B4GALNT1: variants seen among roughly 807,000 people sequenced by gnomAD.
B4GALNT1 encodes the protein beta-1,4 N-acetylgalactosaminyltransferase 1.
B4GALNT1 carries 43 observed loss-of-function variants against 55.2 expected under a neutral mutation model. The ratio of observed to expected loss-of-function variants is 0.78; its 90% CI spans 0.61 to 1.00. B4GALNT1 has a LOEUF of 1.00. B4GALNT1 is among the 50% of genes least tolerant of loss of function. The pLI, the probability that B4GALNT1 is intolerant of heterozygous loss-of-function variation, is 0.00. For missense variants in B4GALNT1, 664 were observed against 729.7 expected (o/e 0.91, Z 1.04); for synonymous variants, 305 against 311.6 (o/e 0.98, Z 0.22).
At chr12:57,629,233 G>T in intron 6 of B4GALNT1, 87 bp from the exon 7 acceptor site, 1 of 951,560 alleles carries the variant, frequency 1.1e-6, no homozygotes, top group Non-Finnish European at 1.5e-6. Context: ...CCTACTCTGT[G>T]TCCCACCTTT....
rs373458144 is a variant in B4GALNT1, at chr12:57,624,087, C to T, written c.*2657G>A. On this transcript the variant is annotated 3_prime_UTR_variant, in exon 11 of 11. Transcript: ENST00000341156. Reference sequence around the variant, plus strand: ...ACTTCCACAACTATGGCACATCAGCCGAGTGGACTTTGTGAGAAATGCCAT... The same window carrying T: ...ACTTCCACAACTATGGCACATCAGCTGAGTGGACTTTGTGAGAAATGCCAT... 62 of 1,613,802 alleles carry T rather than the reference C, an allele frequency of 3.8e-5. No individual in the cohort carries two copies. Among genetic ancestry groups the T allele is most frequent in the Middle Eastern group, 1.6e-4 (1 of 6,082 alleles).
Position 57,624,772 on chromosome 12 carries a change from A to T in B4GALNT1, c.*1972T>A. 2 of 1,131,578 alleles carry T rather than the reference A, an allele frequency of 1.8e-6. No individual in the cohort carries two copies. Among genetic ancestry groups the T allele is most frequent in the East Asian group, 4.7e-5 (2 of 42,600 alleles). The allele number at this position is 1,131,578 out of a possible 1,614,324, so 70.1% of individuals were successfully genotyped here. On this transcript the variant is annotated 3_prime_UTR_variant, in exon 11 of 11. Transcript: ENST00000341156. ...AGGCTGAGGGGACAGAGCTCTACAG[A>T]CCACTCAGAGGAAGCCCCAGGGTGG...
intron 8 of B4GALNT1, 109 bp downstream of exon 8, chr12:57,628,604 A>G: frequency 7.5e-7 from 1 of 1,334,130 alleles, no homozygotes; most frequent in Non-Finnish European, 1.0e-6. Context: ...CAGGCACCCC[A>G]TGATTCTGAG....
chr12:57,625,872 G>C lies in B4GALNT1; in HGVS notation c.*872C>G. 5 of 1,147,440 alleles carry C rather than the reference G, an allele frequency of 4.4e-6. No individual in the cohort carries two copies. The highest frequency in any genetic ancestry group is 5.8e-6 in the Non-Finnish European group (5 of 868,660). 71.1% of individuals were successfully genotyped at this position (1,147,440 alleles called of 1,614,324 possible). On this transcript the variant is annotated 3_prime_UTR_variant, in exon 11 of 11. Coordinates refer to ENST00000341156, the MANE Select transcript of B4GALNT1 (RefSeq NM_001478.5). ...GACCAAATCAGGGAGCCCGGGCTGAGCTATGGGTGAGGAACTGAAGAACTC... is the reference window on the plus strand; with the variant it reads ...GACCAAATCAGGGAGCCCGGGCTGACCTATGGGTGAGGAACTGAAGAACTC...
chr12:57,630,304 C>T lies in B4GALNT1; in HGVS notation c.560G>A (p.Trp187Ter). The part of the protein sequence containing the change: ...QVNLTASLGT[W>*]DVAGEVTGVT... Reference sequence around the variant, plus strand: ...TCCAGTCACTTCCCCTGCCACGTCCCAGGTGCCTAGGGAGGCAGTCAGGTT... The same window carrying T: ...TCCAGTCACTTCCCCTGCCACGTCCTAGGTGCCTAGGGAGGCAGTCAGGTT... Residue 187 changes from tryptophan to a stop codon, truncating the protein, a stop_gained, in exon 6 of 11, where the codon TGG (tryptophan) becomes TAG (stop). Transcript: ENST00000341156. LOFTEE classifies it high-confidence loss of function. The T allele has an allele frequency of 6.2e-7, 1 of 1,614,142 alleles. No individual in the cohort carries two copies. Among genetic ancestry groups the T allele is most frequent in the Non-Finnish European group, 8.5e-7 (1 of 1,179,988 alleles).
At chr12:57,628,930 G>A in intron 7 of B4GALNT1, 27 bp from the exon 8 acceptor site, 8 of 1,613,736 alleles carry the variant, frequency 5.0e-6, no homozygotes, top group Non-Finnish European at 6.8e-6. Context: ...AGGGTTGGGT[G>A]CAGACAAGGA....
intron 10 of B4GALNT1, 102 bp from the exon 11 acceptor site, chr12:57,627,063 A>G: frequency 9.9e-7 from 1 of 1,010,476 alleles, no homozygotes; most frequent in Non-Finnish European, 1.5e-6. Flanking sequence ...TGTGTGTGCA[A>G]AGGCTTGTTT....
chr12:57,625,165 G>A lies in B4GALNT1; in HGVS notation c.*1579C>T, dbSNP rs758749947. On this transcript the variant is annotated 3_prime_UTR_variant, in exon 11 of 11. Coordinates refer to ENST00000341156, the MANE Select transcript of B4GALNT1 (RefSeq NM_001478.5). ...TGGCCCAATGGTTGCAGGTGAGATG[G>A]GGTGACAAGAAGGAAGATTTGGGCA... 3.8e-5 allele frequency: 62 copies of A among 1,614,084 alleles called. No homozygotes were observed. Among genetic ancestry groups the A allele is most frequent in the Non-Finnish European group, 5.1e-5 (60 of 1,180,006 alleles).
At position 57,625,724 on chromosome 12, in the gene B4GALNT1, G is replaced by C; in HGVS notation, c.*1020C>G. 6.5e-7 allele frequency: 1 copy of C among 1,531,146 alleles called. No homozygotes were observed. Among genetic ancestry groups the C allele is most frequent in the East Asian group, 2.3e-5 (1 of 44,240 alleles). 94.8% of individuals were successfully genotyped at this position (1,531,146 alleles called of 1,614,324 possible). A position where few individuals can be genotyped will look rare whatever the true frequency, so the allele number is the denominator to read the frequency against. On this transcript the variant is annotated 3_prime_UTR_variant, in exon 11 of 11. Coordinates refer to ENST00000341156, the MANE Select transcript of B4GALNT1 (RefSeq NM_001478.5). ...GTAGCACCAGGAGCGGGAGCCAGGA[G>C]GCACTGGGCTGCGGCAAGTGAGGCA...
chr12:57,629,228 TCTGTGTCCCACC>T lies in B4GALNT1; in HGVS notation c.713-94_713-83del. ...AGCCAATCAATATTTAAGTGCCTAC[TCTGTGTCCCACC>T]TTTCTAGGCCTTGGTGGACAAGAAC... On this transcript the variant is annotated intron_variant, in intron 6 of 10. Coordinates refer to ENST00000341156, the MANE Select transcript of B4GALNT1 (RefSeq NM_001478.5). The T allele has an allele frequency of 2.5e-6, 3 of 1,197,270 alleles. 1 individual carries two copies. 74.2% of individuals were successfully genotyped at this position (1,197,270 alleles called of 1,614,324 possible).
chr12:57,625,244 C>T lies in B4GALNT1; in HGVS notation c.*1500G>A, dbSNP rs760759176. ...GTCTTCTCCCATTCTAGTTGCTGAG[C>T]CTGTCAGGGTGGTGGTCCTAGACTT... On this transcript the variant is annotated 3_prime_UTR_variant, in exon 11 of 11. Coordinates refer to ENST00000341156, the MANE Select transcript of B4GALNT1 (RefSeq NM_001478.5). The T allele has an allele frequency of 2.5e-6, 4 of 1,613,964 alleles. No individual in the cohort carries two copies. Among genetic ancestry groups the T allele is most frequent in the South Asian group, 1.1e-5 (1 of 91,078 alleles).
Position 57,625,281 on chromosome 12 carries a change from C to G in B4GALNT1, c.*1463G>C, listed in dbSNP as rs755485575. On this transcript the variant is annotated 3_prime_UTR_variant, in exon 11 of 11. Coordinates refer to ENST00000341156, the MANE Select transcript of B4GALNT1 (RefSeq NM_001478.5). ...GTGGTCCTAGACTTCAGTGGTGTCACCTTTGCAGATGCTGCTGGGGCCAGA... is the reference window on the plus strand; with the variant it reads ...GTGGTCCTAGACTTCAGTGGTGTCAGCTTTGCAGATGCTGCTGGGGCCAGA... The G allele has an allele frequency of 1.9e-6, 3 of 1,613,920 alleles. No individual in the cohort carries two copies. The highest frequency in any genetic ancestry group is 1.3e-5 in the African/African-American group (1 of 74,856).
Position 57,628,923 on chromosome 12 carries a change from G to A in B4GALNT1, c.812-20C>T, listed in dbSNP as rs747704470. The A allele has an allele frequency of 1.9e-6, 3 of 1,613,928 alleles. No individual in the cohort carries two copies. The highest frequency in any genetic ancestry group is 2.7e-5 in the African/African-American group (2 of 74,930). On this transcript the variant is annotated intron_variant, in intron 7 of 10. Transcript: ENST00000341156. Reference sequence around the variant, plus strand: ...ACTGGGCTGAGATTGGGGGCACAGGGTTGGGTGCAGACAAGGAGGGTTGGG... The same window carrying A: ...ACTGGGCTGAGATTGGGGGCACAGGATTGGGTGCAGACAAGGAGGGTTGGG...
intron 6 of B4GALNT1, chr12:57,629,610 T>G (rs1008056330): frequency 1.3e-5 from 7 of 545,442 alleles, no homozygotes; most frequent in African/African-American, 1.1e-4. Flanking sequence ...ACAAGTAATG[T>G]GATAGTGAAG....
chr12:57,632,481 T>G, intron 1 of B4GALNT1: 2 of 370,088 alleles, frequency 5.4e-6, no homozygotes, highest in East Asian at 1.3e-4. Flanking sequence ...GCAGTGGCAG[T>G]CCCCAAGCCC....
intron 10 of B4GALNT1, among the ~76,000 whole-genome samples, chr12:57,627,401 T>C (rs1884891635): frequency 1.5e-5 from 2 of 131,950 alleles, no homozygotes; most frequent in South Asian, 6.3e-4. Flanking sequence ...ACAAAAAATA[T>C]ATATATTTAT....
In B4GALNT1 at chr12:57,624,405, C is replaced by T; in HGVS notation, c.*2339G>A. Reference sequence around the variant, plus strand: ...TTCTTCCTGGATCATCTCTCCCCATCACTTGCCTTGGTAGTCACTGCCCTG... The same window carrying T: ...TTCTTCCTGGATCATCTCTCCCCATTACTTGCCTTGGTAGTCACTGCCCTG... On this transcript the variant is annotated 3_prime_UTR_variant, in exon 11 of 11. Coordinates refer to ENST00000341156, the MANE Select transcript of B4GALNT1 (RefSeq NM_001478.5). 2 of 612,044 alleles carry T rather than the reference C, an allele frequency of 3.3e-6. No individual in the cohort carries two copies. The highest frequency in any genetic ancestry group is 7.1e-5 in the East Asian group (2 of 28,262). 37.9% of individuals were successfully genotyped at this position (612,044 alleles called of 1,614,324 possible).
rs766285396 is a variant in B4GALNT1 at position 57,626,826 on chromosome 12, G to A, written c.1520C>T (p.Pro507Leu). Reference sequence around the variant, plus strand: ...CATCTGGCTCTCGTCCAGTGATCCTGGGTAACGGTACCGGGCGTAAGTCTC... The same window carrying A: ...CATCTGGCTCTCGTCCAGTGATCCTAGGTAACGGTACCGGGCGTAAGTCTC... ...GAETYARYRYPGSLDESQMAK... is the reference protein window; with the variant it reads ...GAETYARYRYLGSLDESQMAK... The change falls in exon 11 of 11, where the codon CCA (proline) becomes CTA (leucine). Residue 507 changes from proline (P) to leucine (L), a missense_variant. Physicochemically the swap from Pro to Leu is moderately conservative, Grantham distance 98. Transcript: ENST00000341156. 3 of 1,614,208 alleles carry A rather than the reference G, an allele frequency of 1.9e-6. No individual in the cohort carries two copies. Among genetic ancestry groups the A allele is most frequent in the Non-Finnish European group, 2.5e-6 (3 of 1,180,040 alleles).
rs1343536795 is a variant in B4GALNT1, at chr12:57,623,940, G to T, written c.*2804C>A. ...TAATGAGCAGAGGAGGCATGAGCAT[G>T]GCTGGGAGGGGTAGCTGTATTCCAG... is the stretch of plus-strand genomic sequence containing the variant. On this transcript the variant is annotated 3_prime_UTR_variant, in exon 11 of 11. Transcript: ENST00000341156. 6.2e-7 allele frequency: 1 copy of T among 1,613,634 alleles called. No homozygotes were observed. Among genetic ancestry groups the T allele is most frequent in the Non-Finnish European group, 8.5e-7 (1 of 1,179,820 alleles).
Sources: allele counts gnomAD v4.1 joint callset (sites outside exome capture counted in the v4.1 genomes callset), GRCh38; gene constraint gnomAD v4.1.1; transcripts MANE v1.5; gene names NCBI Gene and HGNC (gene_info 2026-07-23, HGNC 2026-07-21).